Variants in UNC13C observed in about 807,000 individuals in gnomAD.
UNC13C encodes unc-13 homolog C.
In UNC13C, 174 loss-of-function variants were observed where a neutral mutation model predicts 245.4. The observed-to-expected ratio is 0.71, with a 90% CI of 0.63 to 0.80. The LOEUF is 0.80. Among genes scored for constraint, UNC13C ranks in the 30% least tolerant of loss-of-function variants. The pLI, the probability that UNC13C is intolerant of heterozygous loss-of-function variation, is 0.00. For missense variants in UNC13C, 2,829 were observed against 2,602.9 expected (o/e 1.09, Z -1.89); for synonymous variants, 992 against 895.1 (o/e 1.11, Z -1.93).
chr15:54,185,888 CT>C (rs2033963850), intron 4 of UNC13C, among the ~76,000 whole-genome samples: 1 of 151,146 alleles, frequency 6.6e-6, no homozygotes, highest in Non-Finnish European at 1.5e-5. Context: ...GATATTGATT[CT>C]TCCTACCCAT....
chr15:53,896,420 G>A, the UNC13C span, among the ~76,000 whole-genome samples: 15 of 152,068 alleles, frequency 9.9e-5, no homozygotes, highest in African/African-American at 3.6e-4. Context: ...CTGAGCTTGT[G>A]TATTTGTTTA....
At chr15:54,164,609 C>T (rs1448333474) in intron 4 of UNC13C, among the ~76,000 whole-genome samples, 1 of 152,224 alleles carries the variant, frequency 6.6e-6, no homozygotes. Context: ...AGCATCTGCT[C>T]TGTCAGTTCA....
chr15:54,577,534 C>A (rs1056526599), intron 30 of UNC13C, among the ~76,000 whole-genome samples: 1 of 152,126 alleles, frequency 6.6e-6, no homozygotes, highest in African/African-American at 2.4e-5. Context: ...GCAGGGAGCC[C>A]CTCCTAAAAG....
chr15:54,179,840 C>T (rs959830972), intron 4 of UNC13C, among the ~76,000 whole-genome samples: 10 of 151,916 alleles, frequency 6.6e-5, no homozygotes, highest in African/African-American at 2.4e-4. Context: ...CAACAAAGAT[C>T]ACTGCAGTCA....
At chr15:54,023,539 G>A (rs1895986504) in intron 2 of UNC13C, among the ~76,000 whole-genome samples, 1 of 152,066 alleles carries the variant, frequency 6.6e-6, no homozygotes, top group Non-Finnish European at 1.5e-5. Flanking sequence ...TTTTATTAGG[G>A]GTGAAGAAGT....
chr15:54,259,137 C>A (rs2036356899), intron 8 of UNC13C, among the ~76,000 whole-genome samples: 2 of 152,214 alleles, frequency 1.3e-5, no homozygotes, highest in East Asian at 3.9e-4. Flanking sequence ...CTTTCATGAT[C>A]TAGCTACTTC....
chr15:54,119,489 A>G (rs2030515900), intron 2 of UNC13C, among the ~76,000 whole-genome samples: 1 of 152,100 alleles, frequency 6.6e-6, no homozygotes, highest in Non-Finnish European at 1.5e-5. Context: ...CATATAGGCC[A>G]TTAGTTCTCT....
intron 26 of UNC13C, among the ~76,000 whole-genome samples, chr15:54,533,698 A>G (rs983028533): frequency 1.3e-5 from 2 of 152,160 alleles, no homozygotes; most frequent in Admixed American, 1.3e-4. Context: ...TCTTAACCTG[A>G]AAGTTTGGTT....
intron 2 of UNC13C, among the ~76,000 whole-genome samples, chr15:54,061,131 A>G (rs1897812452): frequency 6.6e-6 from 1 of 152,092 alleles, no homozygotes; most frequent in Non-Finnish European, 1.5e-5. Flanking sequence ...AATAAAAAAA[A>G]AAGGAATCTA....
chr15:54,246,856 A>T (rs1435971102), intron 7 of UNC13C, among the ~76,000 whole-genome samples: 2 of 152,146 alleles, frequency 1.3e-5, no homozygotes, highest in Non-Finnish European at 2.9e-5. Context: ...ACCATGGCAC[A>T]TGTTTACTTA....
At chr15:54,051,588 A>G (rs187512168) in intron 2 of UNC13C, among the ~76,000 whole-genome samples, 3 of 152,180 alleles carry the variant, frequency 2.0e-5, no homozygotes, top group Admixed American at 1.3e-4. Context: ...TATGATGGAT[A>G]TGATTTTTCA....
At chr15:53,853,184 A>G in the UNC13C span, among the ~76,000 whole-genome samples, 2 of 151,758 alleles carry the variant, frequency 1.3e-5, no homozygotes, top group Non-Finnish European at 2.9e-5. Context: ...CTCACCCCCA[A>G]CTGCAATAGG....
chr15:54,060,359 A>G (rs1265181564), intron 2 of UNC13C, among the ~76,000 whole-genome samples: 1 of 152,206 alleles, frequency 6.6e-6, no homozygotes, highest in Non-Finnish European at 1.5e-5. Context: ...CAACAGACAC[A>G]TGAAAAAATG....
chr15:54,061,369 C>T (rs1176589476), intron 2 of UNC13C, among the ~76,000 whole-genome samples: 2 of 152,040 alleles, frequency 1.3e-5, no homozygotes, highest in African/African-American at 4.8e-5. Context: ...AAATGGTACT[C>T]TATTTAGTAA....
chr15:54,118,211 TAGTG>T (rs760861693), intron 2 of UNC13C, among the ~76,000 whole-genome samples: 10 of 152,174 alleles, frequency 6.6e-5, no homozygotes, highest in Non-Finnish European at 1.5e-4. Context: ...GGCATTTTCA[TAGTG>T]AGTATATTTA....
At position 54,014,037 on chromosome 15, in the gene UNC13C, T is replaced by C. The variant is rs751346684; in HGVS notation, c.1134T>C (p.Leu378=). The change falls in exon 2 of 33, where the codon CTT becomes CTC. Residue 378 remains leucine (L), a synonymous_variant. Coordinates refer to ENST00000260323, the MANE Select transcript of UNC13C (RefSeq NM_001080534.3). The part of the protein sequence containing the change: ...DCPNAKPRPI[L]VYFETPQQRD... Reference sequence around the variant, plus strand: ...CAAATGCAAAGCCTCGACCCATACTTGTGTACTTTGAAACCCCTCAACAAA... The same window carrying C: ...CAAATGCAAAGCCTCGACCCATACTCGTGTACTTTGAAACCCCTCAACAAA... 2.0e-5 allele frequency: 33 copies of C among 1,613,676 alleles called. No homozygotes were observed. The South Asian group carries it at 3.5e-4, about 17-fold the overall frequency.
chr15:54,173,304 G>A (rs945783939), intron 4 of UNC13C, among the ~76,000 whole-genome samples: 1 of 152,008 alleles, frequency 6.6e-6, no homozygotes, highest in African/African-American at 2.4e-5. Flanking sequence ...TTGATTAATT[G>A]AGGGTTACAT....
chr15:54,539,823 A>G (rs1896162767), intron 26 of UNC13C, among the ~76,000 whole-genome samples: 1 of 152,090 alleles, frequency 6.6e-6, no homozygotes, highest in Admixed American at 6.6e-5. Context: ...GGGCTAATAG[A>G]TAAAATGGGT....
intron 17 of UNC13C, among the ~76,000 whole-genome samples, chr15:54,364,396 G>A (rs1227726313): frequency 2.0e-5 from 3 of 152,114 alleles, no homozygotes; most frequent in Non-Finnish European, 4.4e-5. Flanking sequence ...CTATGAGAGG[G>A]AAAAGTTAGC....
Sources: allele counts gnomAD v4.1 joint callset (sites outside exome capture counted in the v4.1 genomes callset), GRCh38; gene constraint gnomAD v4.1.1; transcripts MANE v1.5; gene names NCBI Gene and HGNC (gene_info 2026-07-23, HGNC 2026-07-21).